Variants in CDH18 observed in about 807,000 individuals in gnomAD.
CDH18 encodes the protein cadherin 18.
CDH18 carries 31 observed loss-of-function variants against 67.9 expected under a neutral mutation model. That is an observed-to-expected ratio of 0.46 (90% CI 0.34 to 0.62). CDH18 has a LOEUF of 0.62. Ranked by LOEUF, CDH18 falls within the 20% of genes least tolerant of loss-of-function variation. The pLI, the probability that CDH18 is intolerant of heterozygous loss-of-function variation, is 0.01. For synonymous variants in CDH18, 362 were observed against 347.2 expected, an observed-to-expected ratio of 1.04 and a Z score of -0.48; for missense variants, 890 against 975.5, an observed-to-expected ratio of 0.91 and a Z score of 1.17.
intron 4 of CDH18, among the ~76,000 whole-genome samples, chr5:19,744,996 AT>A (rs753849629): frequency 2.0e-5 from 3 of 152,180 alleles, no homozygotes; most frequent in East Asian, 3.9e-4. Flanking sequence ...AAAAATTATG[AT>A]TGCTCCTTTC....
chr5:19,676,706 A>G (rs2150368237), intron 5 of CDH18, among the ~76,000 whole-genome samples: 1 of 152,104 alleles, frequency 6.6e-6, no homozygotes, highest in South Asian at 2.1e-4. Context: ...AGTATCTCAG[A>G]TGAACATACA....
chr5:19,961,100 A>AT lies in CDH18; in HGVS notation c.-257+19959dup, dbSNP rs564003434. Among the ~76,000 whole-genome samples the AT allele has an allele frequency of 3.9e-3, 429 of 109,706 alleles. 5 individuals are homozygous for AT. The highest frequency in any genetic ancestry group is 8.3e-3 in the Admixed American group (84 of 10,178). 72.0% of individuals were successfully genotyped at this position (109,706 alleles called of 152,430 possible). The stretch of plus-strand genomic sequence containing the variant: ...ATAGGTATTTTTCAACTACATTATA[A>AT]TTTTTTTTTTTTTTTTTTTTGAGAT... On this transcript the variant is annotated intron_variant, in intron 2 of 12. Coordinates refer to ENST00000382275, the MANE Select transcript of CDH18 (RefSeq NM_004934.5).
chr5:19,839,807 T>C (rs1782071056), intron 2 of CDH18, among the ~76,000 whole-genome samples: 1 of 152,126 alleles, frequency 6.6e-6, no homozygotes, highest in Admixed American at 6.6e-5. Flanking sequence ...GGGTATGAAC[T>C]TCACACACAG....
chr5:19,996,876 A>G (rs1425989395), intron 2 of CDH18, among the ~76,000 whole-genome samples: 3 of 152,054 alleles, frequency 2.0e-5, no homozygotes, highest in African/African-American at 7.2e-5. Context: ...GAACATAAAT[A>G]TATATACATA....
Position 20,211,986 on chromosome 5 carries a change from G to A in CDH18, c.-518+43458C>T, listed in dbSNP as rs555254619. Among the ~76,000 whole-genome samples the A allele has an allele frequency of 2.0e-5, 3 of 152,264 alleles. No individual in the cohort carries two copies. In the East Asian group the frequency reaches 5.8e-4, roughly 29 times the overall value. On this transcript the variant is annotated intron_variant, in intron 2 of 14. Transcript: ENST00000507958. The stretch of plus-strand genomic sequence containing the variant: ...GATCAGTAATAACAAACTTCTCTGA[G>A]CAAAAGGAGGATGTTTGAACCCATC...
chr5:19,794,462 G>T (rs558567375), intron 3 of CDH18, among the ~76,000 whole-genome samples: 1 of 152,012 alleles, frequency 6.6e-6, no homozygotes, highest in Non-Finnish European at 1.5e-5. Context: ...GAATGACATC[G>T]CAAGCTGTCC....
chr5:20,444,764 T>C (rs1749879150), intron 1 of CDH18, among the ~76,000 whole-genome samples: 1 of 148,762 alleles, frequency 6.7e-6, no homozygotes, highest in Non-Finnish European at 1.5e-5. Context: ...TGTAATGTTT[T>C]AAGCTTTTTT....
At chr5:19,961,385 G>C (rs780462122) in intron 2 of CDH18, among the ~76,000 whole-genome samples, 1 of 151,988 alleles carries the variant, frequency 6.6e-6, no homozygotes, top group African/African-American at 2.4e-5. Flanking sequence ...AGGATTACAG[G>C]CGTGAGCCAC....
chr5:19,501,432 G>A (rs1017933046), intron 11 of CDH18, among the ~76,000 whole-genome samples: 15 of 147,786 alleles, frequency 1.0e-4, no homozygotes, highest in African/African-American at 3.2e-4. Flanking sequence ...GTGAAACCCT[G>A]TCTCTACTGA....
chr5:20,125,226 G>C (rs550475237), intron 2 of CDH18, among the ~76,000 whole-genome samples: 1 of 152,218 alleles, frequency 6.6e-6, no homozygotes, highest in South Asian at 2.1e-4. Flanking sequence ...CTGGAGTTCA[G>C]AAAGTACACT....
rs189780146 is a variant in CDH18 at position 20,165,843 on chromosome 5, A to G, written c.-518+89601T>C. Among the ~76,000 whole-genome samples the G allele has an allele frequency of 1.6e-4, 24 of 152,318 alleles. 1 individual carries two copies. The highest frequency in any genetic ancestry group is 5.8e-4 in the African/African-American group (24 of 41,592). ...ACAGTTGCAGTACAAAGCAATTGAG[A>G]TGAAACTATTTATAATAAAATAATT... On this transcript the variant is annotated intron_variant, in intron 2 of 14. Transcript: ENST00000507958.
chr5:20,408,770 A>G (rs1746517448), intron 1 of CDH18, among the ~76,000 whole-genome samples: 1 of 151,898 alleles, frequency 6.6e-6, no homozygotes, highest in Admixed American at 6.6e-5. Flanking sequence ...AATGTGAAAG[A>G]CACACCAATA....
chr5:19,526,871 T>C (rs1580007114), intron 9 of CDH18, among the ~76,000 whole-genome samples: 2 of 152,020 alleles, frequency 1.3e-5, no homozygotes, highest in East Asian at 3.8e-4. Flanking sequence ...AAAAGACTTA[T>C]CTACTACTAT....
intron 1 of CDH18, among the ~76,000 whole-genome samples, chr5:20,286,520 T>C (rs1165206837): frequency 6.6e-6 from 1 of 151,764 alleles, no homozygotes; most frequent in African/African-American, 2.4e-5. Flanking sequence ...ACATAAAATA[T>C]AGACCTTGGT....
chr5:19,533,449 G>A (rs1205530112), intron 9 of CDH18, among the ~76,000 whole-genome samples: 3 of 152,228 alleles, frequency 2.0e-5, no homozygotes, highest in African/African-American at 7.2e-5. Flanking sequence ...ATTATTTCAA[G>A]GAGCTTTTCA....
At chr5:20,126,005 A>G (rs905205155) in intron 2 of CDH18, among the ~76,000 whole-genome samples, 1 of 152,230 alleles carries the variant, frequency 6.6e-6, no homozygotes, top group Non-Finnish European at 1.5e-5. Context: ...CAAATAGCCA[A>G]AGCAATCTTG....
intron 2 of CDH18, among the ~76,000 whole-genome samples, chr5:20,159,955 T>A: frequency 6.6e-6 from 1 of 152,154 alleles, no homozygotes; most frequent in East Asian, 1.9e-4. Flanking sequence ...CATAGTAGTG[T>A]AACCCATTAT....
chr5:19,850,843 T>C (rs547126915), intron 2 of CDH18, among the ~76,000 whole-genome samples: 1 of 151,920 alleles, frequency 6.6e-6, no homozygotes, highest in Non-Finnish European at 1.5e-5. Context: ...TGAGAACTCA[T>C]TGAGATTTTA....
intron 2 of CDH18, among the ~76,000 whole-genome samples, chr5:20,174,317 C>G (rs932234124): frequency 2.6e-5 from 4 of 152,146 alleles, no homozygotes; most frequent in African/African-American, 9.7e-5. Flanking sequence ...ACAAGCTCTA[C>G]TCTACTCTCA....
Sources: gnomAD v4.1 joint callset for allele counts (sites outside exome capture counted in the v4.1 genomes callset) on GRCh38, gnomAD v4.1.1 for gene constraint, MANE v1.5 for transcripts, NCBI Gene and HGNC (gene_info 2026-07-23, HGNC 2026-07-21) for gene names.